COL21A1: variants seen among roughly 807,000 people sequenced by gnomAD.
The protein encoded by COL21A1 is collagen alpha-1(XXI) chain.
A neutral mutation model predicts 137.9 loss-of-function variants in COL21A1; 149 were observed. That is an observed-to-expected ratio of 1.08 (90% CI 0.95 to 1.24). The LOEUF (loss-of-function observed/expected upper bound fraction) is 1.24. Among genes scored for constraint, COL21A1 ranks in the 50% most tolerant of loss-of-function variants. The pLI, the probability that COL21A1 is intolerant of heterozygous loss-of-function variation, is 0.00. For missense variants in COL21A1, 1,167 were observed against 1,158.4 expected (o/e 1.01, Z -0.11); for synonymous variants, 456 against 391.5 (o/e 1.16, Z -1.95).
At chr6:56,318,808 T>C (rs1764802097) in intron 1 of COL21A1, among the ~76,000 whole-genome samples, 1 of 152,172 alleles carries the variant, frequency 6.6e-6, no homozygotes, top group African/African-American at 2.4e-5. Context: ...AGTATATGTC[T>C]AGTATTGAGC....
intron 12 of COL21A1, among the ~76,000 whole-genome samples, chr6:56,128,270 C>G (rs1773211519): frequency 6.6e-6 from 1 of 152,190 alleles, no homozygotes; most frequent in Non-Finnish European, 1.5e-5. Flanking sequence ...CAGGGTGTAG[C>G]AGGGGTTCTG....
At chr6:56,299,183 A>T (rs1360834954) in intron 1 of COL21A1, among the ~76,000 whole-genome samples, 1 of 152,148 alleles carries the variant, frequency 6.6e-6, no homozygotes, top group Non-Finnish European at 1.5e-5. Context: ...GCTAAATTAG[A>T]TCACTTCATA....
At chr6:56,140,033 T>C (rs565089086) in intron 12 of COL21A1, among the ~76,000 whole-genome samples, 58 of 152,270 alleles carry the variant, frequency 3.8e-4, no homozygotes, top group African/African-American at 1.1e-3. Flanking sequence ...ACTTCCTACA[T>C]CTGTAAAATT....
chr6:56,083,084 C>T (rs912874250), intron 17 of COL21A1, among the ~76,000 whole-genome samples: 3 of 151,902 alleles, frequency 2.0e-5, no homozygotes, highest in Non-Finnish European at 4.4e-5. Flanking sequence ...TAAAACAACA[C>T]ACATTTATTA....
chr6:56,191,607 A>AAAAG (rs1252293921), intron 1 of COL21A1, among the ~76,000 whole-genome samples: 2 of 150,864 alleles, frequency 1.3e-5, no homozygotes, highest in Non-Finnish European at 1.5e-5. Flanking sequence ...AAAAAAAAAA[A>AAAAG]ATCCAGAGAG....
chr6:56,257,979 T>C (rs181600962), intron 1 of COL21A1, among the ~76,000 whole-genome samples: 1 of 152,226 alleles, frequency 6.6e-6, no homozygotes, highest in African/African-American at 2.4e-5. Flanking sequence ...ATTTCTGGAT[T>C]GAGATTATGG....
intron 16 of COL21A1, among the ~76,000 whole-genome samples, chr6:56,115,450 C>T (rs1161974298): frequency 6.6e-6 from 1 of 152,166 alleles, no homozygotes; most frequent in Non-Finnish European, 1.5e-5. Context: ...TCTGCAAGAA[C>T]CACAATGTTA....
intron 3 of COL21A1, among the ~76,000 whole-genome samples, chr6:56,178,545 G>A (rs1777661271): frequency 6.6e-6 from 1 of 151,958 alleles, no homozygotes; most frequent in Admixed American, 6.5e-5. Context: ...TTTGTCAAAT[G>A]TGAAGCCACC....
At chr6:56,276,689 T>C in intron 1 of COL21A1, 1 of 1,438,600 alleles carries the variant, frequency 7.0e-7, no homozygotes, top group Non-Finnish European at 9.8e-7. Context: ...TTGTCACAAA[T>C]AGTTTAAGAT....
intron 1 of COL21A1, among the ~76,000 whole-genome samples, chr6:56,382,835 T>C (rs1289781750): frequency 6.6e-6 from 1 of 152,178 alleles, no homozygotes; most frequent in Non-Finnish European, 1.5e-5. Flanking sequence ...TATGGTATTT[T>C]GTTATGGCAG....
At chr6:56,348,324 A>AT (rs1373493670) in intron 1 of COL21A1, among the ~76,000 whole-genome samples, 1 of 152,088 alleles carries the variant, frequency 6.6e-6, no homozygotes. Flanking sequence ...AAATTCCAGG[A>AT]TATGTGGGGA....
intron 1 of COL21A1, among the ~76,000 whole-genome samples, chr6:56,305,064 G>C (rs906076044): frequency 6.6e-6 from 1 of 152,192 alleles, no homozygotes; most frequent in Admixed American, 6.5e-5. Flanking sequence ...TCTTAATCCT[G>C]AGTTCTAATT....
intron 3 of COL21A1, among the ~76,000 whole-genome samples, chr6:56,175,121 T>C (rs1777358182): frequency 6.6e-6 from 1 of 152,034 alleles, no homozygotes; most frequent in African/African-American, 2.4e-5. Flanking sequence ...ACTCAACAAG[T>C]AAGGAATAGA....
intron 1 of COL21A1, among the ~76,000 whole-genome samples, chr6:56,221,105 T>C (rs567050129): frequency 1.3e-5 from 2 of 152,270 alleles, no homozygotes; most frequent in Non-Finnish European, 2.9e-5. Context: ...CATTAACTCT[T>C]TATTGTGGAG....
At chr6:56,219,609 T>C (rs1780705273) in intron 1 of COL21A1, among the ~76,000 whole-genome samples, 1 of 152,140 alleles carries the variant, frequency 6.6e-6, no homozygotes, top group Non-Finnish European at 1.5e-5. Context: ...ACAAAACTGT[T>C]ATTAACAAAA....
At chr6:56,262,669 T>A (rs1018951843) in intron 1 of COL21A1, among the ~76,000 whole-genome samples, 1 of 152,282 alleles carries the variant, frequency 6.6e-6, no homozygotes, top group African/African-American at 2.4e-5. Flanking sequence ...GGGACTGGGA[T>A]ACAGAGCTGG....
At chr6:56,348,800 C>A (rs1435484275) in intron 1 of COL21A1, among the ~76,000 whole-genome samples, 1 of 152,224 alleles carries the variant, frequency 6.6e-6, no homozygotes, top group Admixed American at 6.5e-5. Flanking sequence ...GAAGTGGGAT[C>A]TTTCCCAATC....
At chr6:56,110,148 G>C (rs1771293880) in intron 16 of COL21A1, among the ~76,000 whole-genome samples, 1 of 151,488 alleles carries the variant, frequency 6.6e-6, no homozygotes, top group Non-Finnish European at 1.5e-5. Context: ...ACCAATTGTG[G>C]TTTATCCCAA....
chr6:56,081,569 G>A (rs749778485), intron 17 of COL21A1, among the ~76,000 whole-genome samples: 1 of 151,744 alleles, frequency 6.6e-6, no homozygotes, highest in South Asian at 2.1e-4. Context: ...ACAGTAACTG[G>A]CAGGCCATTA....
Sources: allele counts gnomAD v4.1 joint callset (sites outside exome capture counted in the v4.1 genomes callset), GRCh38; gene constraint gnomAD v4.1.1; transcripts MANE v1.5; gene names NCBI Gene and HGNC (gene_info 2026-07-23, HGNC 2026-07-21).